Variants in UBR4 observed in about 807,000 individuals in gnomAD.
UBR4 encodes E3 ubiquitin-protein ligase UBR4.
Under a neutral mutation model 575.6 loss-of-function variants are expected in UBR4, and 124 were observed. That is an observed-to-expected ratio of 0.22 (90% CI 0.19 to 0.25). The LOEUF (loss-of-function observed/expected upper bound fraction) is 0.25. UBR4 is among the 10% of genes least tolerant of loss of function. UBR4 has a pLI of 1.00. For missense variants in UBR4, 4,818 were observed against 6,478.8 expected, an observed-to-expected ratio of 0.74 and a Z score of 8.80; for synonymous variants, 2,455 against 2,473.7, an observed-to-expected ratio of 0.99 and a Z score of 0.22.
chr1:19,179,509 G>A (rs1366074322), intron 17 of UBR4, among the ~76,000 whole-genome samples: 1 of 152,182 alleles, frequency 6.6e-6, no homozygotes, highest in Non-Finnish European at 1.5e-5. Context: ...ACCAGAATCA[G>A]GATAATTTTG....
rs745907873 is a variant in UBR4 at position 19,165,016 on chromosome 1, GC to G, written c.4313-20del. 1 of 1,613,384 alleles carries G rather than the reference GC, an allele frequency of 6.2e-7. No individual in the cohort carries two copies. Among genetic ancestry groups the G allele is most frequent in the Admixed American group, 1.7e-5 (1 of 59,930 alleles). ...TTCTCAGCTAGGAGCAGAACAAGAG[GC>G]CAGGGTCAGTAAAGAAGGGCAAGAG... On this transcript the variant is annotated intron_variant, in intron 31 of 105. Transcript: ENST00000375254.
intron 60 of UBR4, among the ~76,000 whole-genome samples, chr1:19,135,185 T>C: frequency 6.6e-6 from 1 of 152,198 alleles, no homozygotes; most frequent in Non-Finnish European, 1.5e-5. Flanking sequence ...TTTCCTCCAT[T>C]GTACCTAAGT....
chr1:19,106,609 G>T lies in UBR4; in HGVS notation c.12353C>A (p.Pro4118His), dbSNP rs768724983. 1.3e-5 allele frequency: 20 copies of T among 1,596,376 alleles called. No homozygotes were observed. The African/African-American group carries it at 2.6e-4, about 20-fold the overall frequency. Residue 4118 changes from proline (P) to histidine (H), a missense_variant, in exon 83 of 106, where the codon CCC (proline) becomes CAC (histidine). Pro to His is a moderately conservative substitution (Grantham distance 77). Around this residue, in one of 29 missense-constraint regions of UBR4, gnomAD observed 178 missense variants for 175.5 expected, o/e 1.01. Transcript: ENST00000375254. ...GTTATGCCCCAGTTTGAGATCCAAG[G>T]GGGAGGTCCTCTTCCCCCGACGACT... ...FLSRRGKRTS[P>H]LDLKLGHNNW...
In UBR4 at chr1:19,093,497, A is replaced by G; in HGVS notation, c.13938-11T>C. 1 of 1,613,736 alleles carries G rather than the reference A, an allele frequency of 6.2e-7. No homozygotes were observed. The highest frequency in any genetic ancestry group is 8.5e-7 in the Non-Finnish European group (1 of 1,179,722). On this transcript the variant is annotated splice_polypyrimidine_tract_variant and intron_variant, in intron 95 of 105. Transcript: ENST00000375254. This position sits in a 1 kb window ranked among gnomAD's most constrained non-coding sequence, Gnocchi z 4.8. ...TGATCTTCATCATATCTAGGAGGAA[A>G]GAGCAGAGTTTGAGGGTGTGAAAGG...
intron 11 of UBR4, among the ~76,000 whole-genome samples, chr1:19,189,342 A>G (rs1167123953): frequency 1.3e-5 from 2 of 152,226 alleles, no homozygotes; most frequent in East Asian, 3.8e-4. Context: ...ATTCATCCCA[A>G]CAGGACAATT....
chr1:19,113,492 G>C (rs2080141834), intron 77 of UBR4: 5 of 707,636 alleles, frequency 7.1e-6, no homozygotes, highest in Non-Finnish European at 6.9e-6. Flanking sequence ...CAGTTATCTA[G>C]CATGAACTCA....
rs2080700288 is a variant in UBR4, at chr1:19,117,660, C to T, written c.10629+163G>A. 1.3e-5 allele frequency among the ~76,000 whole-genome samples: 2 copies of T among 152,180 alleles called. No homozygotes were observed. Among genetic ancestry groups the T allele is most frequent in the African/African-American group, 4.8e-5 (2 of 41,438 alleles). On this transcript the variant is annotated intron_variant, in intron 72 of 105. Coordinates refer to ENST00000375254, the MANE Select transcript of UBR4 (RefSeq NM_020765.3). This position sits in a 1 kb window ranked among gnomAD's most constrained non-coding sequence, Gnocchi z 4.0. ...TATAGGCTTGAGCCACTGCACCCAG[C>T]CAAGTTTCTATTTAAGGTAATAAAT...
chr1:19,152,293 C>G lies in UBR4; in HGVS notation c.6996+20G>C. 6.2e-7 allele frequency: 1 copy of G among 1,613,136 alleles called. No homozygotes were observed. The highest frequency in any genetic ancestry group is 1.7e-5 in the Admixed American group (1 of 60,002). On this transcript the variant is annotated intron_variant, in intron 47 of 105. Transcript: ENST00000375254. The surrounding 1 kb of genome is among the most constrained non-coding windows in gnomAD (Gnocchi z 4.4). ...AGTCCTTCTACCCAGGGATTGATCC[C>G]AGCCCAGTGCCATTCTTACCTTGGT...
chr1:19,108,053 T>C (rs1218508718), intron 81 of UBR4, among the ~76,000 whole-genome samples: 1 of 152,204 alleles, frequency 6.6e-6, no homozygotes, highest in Admixed American at 6.5e-5. Flanking sequence ...TTTGGCCTCA[T>C]ACAGATATAC....
chr1:19,163,891 T>C, intron 33 of UBR4, 64 bp from the exon 34 acceptor site: 3 of 1,531,978 alleles, frequency 2.0e-6, no homozygotes, highest in Non-Finnish European at 2.7e-6. Flanking sequence ...ACCAACGAAA[T>C]GAGGCATCTT....
Position 19,088,043 on chromosome 1 carries a change from G to A in UBR4, c.14431-114C>T. 1 of 759,238 alleles carries A rather than the reference G, an allele frequency of 1.3e-6. No individual in the cohort carries two copies. Among genetic ancestry groups the A allele is most frequent in the Admixed American group, 2.2e-5 (1 of 45,108 alleles). The allele number at this position is 759,238 out of a possible 1,614,324, so 47.0% of individuals were successfully genotyped here. ...TTCTACCTCCACTAAAAGGACAGGT[G>A]CATGAGAGGAAAGCCCTTGAGCTGT... On this transcript the variant is annotated intron_variant, in intron 98 of 105. Transcript: ENST00000375254. This position sits in a 1 kb window ranked among gnomAD's most constrained non-coding sequence, Gnocchi z 4.0.
At chr1:19,170,416 TGGGGA>T (rs1409336884) in intron 26 of UBR4, among the ~76,000 whole-genome samples, 1 of 149,526 alleles carries the variant, frequency 6.7e-6, no homozygotes, top group Non-Finnish European at 1.5e-5. Flanking sequence ...GAGAAGAGAG[TGGGGA>T]GGGGAGGGGA....
intron 81 of UBR4, among the ~76,000 whole-genome samples, chr1:19,109,363 C>T (rs916866475): frequency 6.6e-6 from 1 of 152,220 alleles, no homozygotes; most frequent in African/African-American, 2.4e-5. Context: ...TAATAATTCA[C>T]TAAGCAGCTA....
chr1:19,074,954 C>A, intron 105 of UBR4, 58 bp from the exon 106 acceptor site: 1 of 1,580,314 alleles, frequency 6.3e-7, no homozygotes, highest in Non-Finnish European at 8.7e-7. Flanking sequence ...CCCATTCCCC[C>A]TGAGTCACAG....
At chr1:19,186,122 A>G (rs2091503912) in intron 14 of UBR4, among the ~76,000 whole-genome samples, 1 of 152,192 alleles carries the variant, frequency 6.6e-6, no homozygotes, top group African/African-American at 2.4e-5. Context: ...GTTCACTACA[A>G]CAGGATTAGG....
At position 19,153,316 on chromosome 1, in the gene UBR4, T is replaced by G; in HGVS notation, c.6817A>C (p.Lys2273Gln). 1.2e-6 allele frequency: 2 copies of G among 1,614,232 alleles called. 1 individual carries two copies. Among genetic ancestry groups the G allele is most frequent in the East Asian group, 4.5e-5 (2 of 44,886 alleles). Residue 2273 changes from lysine to glutamine, a missense_variant, in exon 46 of 106, where the codon AAA (lysine) becomes CAA (glutamine). Lys to Gln is a moderately conservative substitution (Grantham distance 53, BLOSUM62 1). Around this residue, in one of 29 missense-constraint regions of UBR4, gnomAD observed 461 missense variants for 606.9 expected, o/e 0.76. Transcript: ENST00000375254. The surrounding 1 kb of genome is among the most constrained non-coding windows in gnomAD (Gnocchi z 4.1). ...GGAGCCTTACTGATTGTAGCTGTTT[T>G]GCGCTTTCGAACAGGCTTCATGATG... The part of the protein sequence containing the change: ...ISIMKPVRKR[K>Q]TATITTRTSS...
chr1:19,210,025 T>A (rs2093240567), intron 1 of UBR4, 48 bp downstream of exon 1: 1 of 1,487,508 alleles, frequency 6.7e-7, no homozygotes, highest in Non-Finnish European at 9.0e-7. Flanking sequence ...CGGCTCGAAA[T>A]CCCCTCCCCC....
rs763352043 is a variant in UBR4, at chr1:19,101,548, A to C, written c.12995T>G (p.Phe4332Cys). 19 of 1,613,772 alleles carry C rather than the reference A, an allele frequency of 1.2e-5. No homozygotes were observed. The highest frequency in any genetic ancestry group is 1.4e-5 in the Non-Finnish European group (17 of 1,179,814). Reference sequence around the variant, plus strand: ...ATAAATGATGCTGCAGAGCCTCTCGAAGATGAACACCGGGGTCCGGTAGTC... The same window carrying C: ...ATAAATGATGCTGCAGAGCCTCTCGCAGATGAACACCGGGGTCCGGTAGTC... ...LDDYRTPVFIFERLCSIIYPE... is the reference protein window; with the variant it reads ...LDDYRTPVFICERLCSIIYPE... The change falls in exon 88 of 106, where the codon TTC becomes TGC. Residue 4332 changes from phenylalanine to cysteine, a missense_variant. Around this residue, in one of 29 missense-constraint regions of UBR4, gnomAD observed 105 missense variants for 232.8 expected, o/e 0.45. Coordinates refer to ENST00000375254, the MANE Select transcript of UBR4 (RefSeq NM_020765.3).
chr1:19,108,595 T>A (rs1054199576), intron 81 of UBR4, among the ~76,000 whole-genome samples: 8 of 152,188 alleles, frequency 5.3e-5, no homozygotes, highest in African/African-American at 1.7e-4. Context: ...ATCAAGGATA[T>A]TCTTGATGAA....
Sources: gnomAD v4.1 joint callset for allele counts (sites outside exome capture counted in the v4.1 genomes callset) on GRCh38, gnomAD v4.1.1 for gene constraint, gnomAD v4.1.1 regional missense constraint, Gnocchi (gnomAD v3.1) non-coding constraint, MANE v1.5 for transcripts, NCBI Gene and HGNC (gene_info 2026-07-23, HGNC 2026-07-21) for gene names.